The following AGFG2 variants were observed in gnomAD, a reference collection of about 807,000 sequenced individuals.
The protein encoded by AGFG2 is ArfGAP with FG repeats 2, also known as arf-GAP domain and FG repeat-containing protein 2.
Under a neutral mutation model 48.0 loss-of-function variants are expected in AGFG2, and 31 were observed. The ratio of observed to expected loss-of-function variants is 0.65; its 90% CI spans 0.49 to 0.87. AGFG2 has a LOEUF of 0.87. Among genes scored for constraint, AGFG2 ranks in the 40% least tolerant of loss-of-function variants. The pLI, the probability that AGFG2 is intolerant of heterozygous loss-of-function variation, is 0.00. For missense variants in AGFG2, 599 were observed against 632.6 expected, an observed-to-expected ratio of 0.95 and a Z score of 0.57; for synonymous variants, 229 against 260.8, an observed-to-expected ratio of 0.88 and a Z score of 1.18.
intron 1 of AGFG2, among the ~76,000 whole-genome samples, chr7:100,546,632 A>G (rs1478892073): frequency 6.6e-6 from 1 of 152,154 alleles, no homozygotes; most frequent in East Asian, 1.9e-4. Flanking sequence ...TTGGCAAAGT[A>G]AATTTTGTTT....
chr7:100,550,756 T>C (rs546873771), intron 3 of AGFG2, among the ~76,000 whole-genome samples: 1 of 151,832 alleles, frequency 6.6e-6, no homozygotes, highest in Non-Finnish European at 1.5e-5. Flanking sequence ...AGTCGGGAGG[T>C]AGGCCTGTGG....
At chr7:100,551,053 TATATA>T (rs1800625692) in intron 3 of AGFG2, among the ~76,000 whole-genome samples, 14 of 86,390 alleles carry the variant, frequency 1.6e-4, no homozygotes, top group African/African-American at 5.6e-4. Flanking sequence ...TATATATATA[TATATA>T]TATATATATT....
At chr7:100,556,881 G>A in intron 6 of AGFG2, among the ~76,000 whole-genome samples, 1 of 152,142 alleles carries the variant, frequency 6.6e-6, no homozygotes, top group Non-Finnish European at 1.5e-5. Flanking sequence ...GTTTTGGAGG[G>A]CTATAAGAAG....
In AGFG2 at chr7:100,563,928, C is replaced by G. The variant is rs1354881839; in HGVS notation, c.1266C>G (p.Phe422Leu). The G allele has an allele frequency of 1.9e-6, 3 of 1,608,612 alleles. No individual in the cohort carries two copies. The highest frequency in any genetic ancestry group is 2.5e-6 in the Non-Finnish European group (3 of 1,179,982). The change falls in exon 10 of 12, where the codon TTC becomes TTG. Residue 422 changes from phenylalanine (F) to leucine (L), a missense_variant. Coordinates refer to ENST00000300176, the MANE Select transcript of AGFG2 (RefSeq NM_006076.5). ...CCAGCTCCTTCCCAGCACCGCTGTT[C>G]CCCCCGCAGACCCCGCTTGTTCAGC... ...AFASSFPAPL[F>L]PPQTPLVQQQ...
At position 100,562,327 on chromosome 7, in the gene AGFG2, G is replaced by A. The variant is rs1422274888; in HGVS notation, c.946G>A (p.Asp316Asn). Residue 316 changes from aspartate (D) to asparagine (N), a missense_variant, in exon 7 of 12, where the codon GAC (aspartate) becomes AAC (asparagine). Physicochemically the swap from Asp to Asn is conservative, Grantham distance 23. Coordinates refer to ENST00000300176, the MANE Select transcript of AGFG2 (RefSeq NM_006076.5). The surrounding 1 kb of genome is among the most constrained non-coding windows in gnomAD (Gnocchi z 5.4). ...APASQPNSLADVGSFLGPGVP... is the reference protein window; with the variant it reads ...APASQPNSLANVGSFLGPGVP... ...CGCCAGTCAGCCAAACAGCCTCGCA[G>A]ACGTGGGCAGCTTCCTGGGACCCGG... 1 of 1,614,160 alleles carries A rather than the reference G, an allele frequency of 6.2e-7. No individual in the cohort carries two copies. The highest frequency in any genetic ancestry group is 8.5e-7 in the Non-Finnish European group (1 of 1,180,028).
rs749070028 is a variant in AGFG2, at chr7:100,554,112, C to T, written c.605C>T (p.Ala202Val). Residue 202 changes from alanine to valine, a missense_variant, in exon 5 of 12, where the codon GCT becomes GTT. Transcript: ENST00000300176. ...TSSQPVSQSH[A>V]RTSQARSTQP... ...TCCAAGCCCGTCAGTCAGTCTCACG[C>T]TCGGACATCCCAGGCCCGGAGCACT... is the stretch of plus-strand genomic sequence containing the variant. 3 of 1,613,804 alleles carry T rather than the reference C, an allele frequency of 1.9e-6. No individual in the cohort carries two copies. Among genetic ancestry groups the T allele is most frequent in the Non-Finnish European group, 2.5e-6 (3 of 1,179,832 alleles).
At chr7:100,558,993 G>T (rs1255373127) in intron 6 of AGFG2, among the ~76,000 whole-genome samples, 1 of 152,048 alleles carries the variant, frequency 6.6e-6, no homozygotes, top group Admixed American at 6.6e-5. Flanking sequence ...AATTAGCCAG[G>T]CATGGTGGTG....
rs768880031 is a variant in AGFG2, at chr7:100,548,868, A to G, written c.268A>G (p.Thr90Ala). ...TCGTGTCAAGTCAATCTCCATGACA[A>G]CTTTCACTGAGCCTGAAGTAGTATT... is the stretch of plus-strand genomic sequence containing the variant. ...PHRVKSISMT[T>A]FTEPEVVFLQ... The change falls in exon 2 of 12, where the codon ACT becomes GCT. Residue 90 changes from threonine to alanine, a missense_variant. Physicochemically the swap from Thr to Ala is moderately conservative, Grantham distance 58. Transcript: ENST00000300176. 2 of 1,613,838 alleles carry G rather than the reference A, an allele frequency of 1.2e-6. No homozygotes were observed. The highest frequency in any genetic ancestry group is 2.2e-5 in the East Asian group (1 of 44,868).
Position 100,565,086 on chromosome 7 carries a change from C to T in AGFG2, c.*95C>T. On this transcript the variant is annotated 3_prime_UTR_variant, in exon 12 of 12. Coordinates refer to ENST00000300176, the MANE Select transcript of AGFG2 (RefSeq NM_006076.5). Reference sequence around the variant, plus strand: ...CTTGCCTGTGGGCATTTCTATGGGCCTTGGGGATGGTGGAGGTGCTAATGC... The same window carrying T: ...CTTGCCTGTGGGCATTTCTATGGGCTTTGGGGATGGTGGAGGTGCTAATGC... 3 of 1,388,236 alleles carry T rather than the reference C, an allele frequency of 2.2e-6. No homozygotes were observed. The highest frequency in any genetic ancestry group is 3.1e-6 in the Non-Finnish European group (3 of 975,828). The allele number at this position is 1,388,236 out of a possible 1,614,324, so 86.0% of individuals were successfully genotyped here.
At chr7:100,544,356 G>A (rs1397594465) in intron 1 of AGFG2, among the ~76,000 whole-genome samples, 1 of 152,280 alleles carries the variant, frequency 6.6e-6, no homozygotes, top group East Asian at 1.9e-4. Flanking sequence ...TGTCAAGAAT[G>A]CACTTGACAG....
chr7:100,547,167 C>A (rs536836962), intron 1 of AGFG2, among the ~76,000 whole-genome samples: 2 of 150,468 alleles, frequency 1.3e-5, no homozygotes, highest in African/African-American at 4.9e-5. Flanking sequence ...TCCCTGCCCC[C>A]CACCCCCACC....
intron 6 of AGFG2, among the ~76,000 whole-genome samples, chr7:100,557,572 T>A (rs1800783318): frequency 1.3e-5 from 2 of 152,258 alleles, no homozygotes; most frequent in African/African-American, 4.8e-5. Context: ...AGTAGCAGGA[T>A]TACAGGCGCA....
At chr7:100,553,997 C>G in intron 4 of AGFG2, 96 bp from the exon 5 acceptor site, 3 of 1,433,934 alleles carry the variant, frequency 2.1e-6, no homozygotes, top group South Asian at 1.4e-5. Context: ...TGTCTTCTCT[C>G]TCTACCTGCC....
Position 100,562,344 on chromosome 7 carries a change from G to A in AGFG2, c.963G>A (p.Leu321=), listed in dbSNP as rs1584391806. The change falls in exon 7 of 12, where the codon CTG becomes CTA. Residue 321 remains leucine, a synonymous_variant. Transcript: ENST00000300176. The surrounding 1 kb of genome is among the most constrained non-coding windows in gnomAD (Gnocchi z 5.4). ...GCCTCGCAGACGTGGGCAGCTTCCT[G>A]GGACCCGGGGTGCCCGCTGCAGGTG... ...PNSLADVGSF[L]GPGVPAAGVP... The A allele has an allele frequency of 6.2e-7, 1 of 1,614,056 alleles. No homozygotes were observed. Among genetic ancestry groups the A allele is most frequent in the East Asian group, 2.2e-5 (1 of 44,870 alleles).
At chr7:100,539,907 G>T (rs1276680634) in intron 1 of AGFG2, among the ~76,000 whole-genome samples, 1 of 152,040 alleles carries the variant, frequency 6.6e-6, no homozygotes, top group Non-Finnish European at 1.5e-5. Context: ...ACTCGGAGTG[G>T]GATGGGGTGT....
intron 10 of AGFG2, 114 bp from the exon 11 acceptor site, chr7:100,564,104 C>T (rs907057010): frequency 1.2e-5 from 18 of 1,525,862 alleles, no homozygotes; most frequent in Middle Eastern, 2.2e-4. Context: ...CAGACCCGCC[C>T]GGGTACTTCC....
rs376986045 is a variant in AGFG2, at chr7:100,548,199, G to A, written c.222-623G>A. On this transcript the variant is annotated intron_variant, in intron 1 of 11. Coordinates refer to ENST00000300176, the MANE Select transcript of AGFG2 (RefSeq NM_006076.5). Reference sequence around the variant, plus strand: ...AACTACTGGGATCTGAGCCAGGCTAGAGGAGGCTTCTGGATGGGCAGGCTC... The same window carrying A: ...AACTACTGGGATCTGAGCCAGGCTAAAGGAGGCTTCTGGATGGGCAGGCTC... Among the ~76,000 whole-genome samples, 11 of 152,238 alleles carry A rather than the reference G, an allele frequency of 7.2e-5. No individual in the cohort carries two copies. In the South Asian group the frequency reaches 2.1e-3, roughly 29 times the overall value.
intron 6 of AGFG2, chr7:100,555,997 C>T: frequency 5.5e-6 from 2 of 363,292 alleles, no homozygotes; most frequent in Non-Finnish European, 1.0e-5. Context: ...AAACTTTTCA[C>T]TAGGAAGTAT....
At chr7:100,564,897 C>T in intron 11 of AGFG2, 35 bp from the exon 12 acceptor site, 2 of 1,608,702 alleles carry the variant, frequency 1.2e-6, no homozygotes, top group Non-Finnish European at 1.7e-6. Flanking sequence ...AGTTCCTCTC[C>T]CCTAACTGGA....
Sources: allele counts gnomAD v4.1 joint callset (sites outside exome capture counted in the v4.1 genomes callset), GRCh38; gene constraint gnomAD v4.1.1; non-coding constraint Gnocchi (gnomAD v3.1); transcripts MANE v1.5; gene names NCBI Gene and HGNC (gene_info 2026-07-23, HGNC 2026-07-21).